Variants in SYTL3 observed in about 807,000 individuals in gnomAD.
SYTL3 encodes the protein synaptotagmin-like protein 3.
SYTL3 carries 88 observed loss-of-function variants against 82.1 expected under a neutral mutation model. The observed-to-expected ratio is 1.07, with a 90% CI of 0.90 to 1.28. The LOEUF is 1.28. Ranked by LOEUF, SYTL3 falls within the 50% of genes most tolerant of loss-of-function variation. SYTL3 has a pLI of 0.00. For synonymous variants in SYTL3, 311 were observed against 289.4 expected (o/e 1.07, Z -0.76); for missense variants, 831 against 757.6 (o/e 1.10, Z -1.14).
At chr6:158,667,597 G>A (rs1255144404) in intron 5 of SYTL3, among the ~76,000 whole-genome samples, 1 of 152,154 alleles carries the variant, frequency 6.6e-6, no homozygotes, top group Non-Finnish European at 1.5e-5. Flanking sequence ...GCACATCTGG[G>A]GACCTAGAAA....
intron 11 of SYTL3, among the ~76,000 whole-genome samples, chr6:158,741,780 T>C (rs1342020963): frequency 6.6e-6 from 1 of 152,200 alleles, no homozygotes; most frequent in East Asian, 1.9e-4. Flanking sequence ...TGACTTTCAC[T>C]CAGCTCATGA....
chr6:158,653,901 A>G (rs1032256035), intron 2 of SYTL3, among the ~76,000 whole-genome samples: 1 of 152,218 alleles, frequency 6.6e-6, no homozygotes, highest in East Asian at 1.9e-4. Flanking sequence ...GCTCAGAGAC[A>G]ATAGATGATT....
intron 15 of SYTL3, among the ~76,000 whole-genome samples, 181 bp downstream of exon 15, chr6:158,760,926 G>A (rs555445917): frequency 1.3e-5 from 2 of 152,294 alleles, no homozygotes; most frequent in Non-Finnish European, 2.9e-5. Context: ...TCTGGAGCCC[G>A]TAGTGGGGGA....
At chr6:158,750,943 A>G (rs867074057) in intron 12 of SYTL3, among the ~76,000 whole-genome samples, 1 of 152,076 alleles carries the variant, frequency 6.6e-6, no homozygotes. Flanking sequence ...TTACAGGTAC[A>G]TGCCATCATG....
chr6:158,752,323 G>A (rs930832853), intron 13 of SYTL3, among the ~76,000 whole-genome samples: 5 of 152,114 alleles, frequency 3.3e-5, no homozygotes, highest in Admixed American at 6.6e-5. Flanking sequence ...GGCTAACACC[G>A]GGGCACAGGA....
At chr6:158,744,291 TTTC>T (rs1354123491) in intron 11 of SYTL3, among the ~76,000 whole-genome samples, 8 of 134,922 alleles carry the variant, frequency 5.9e-5, no homozygotes, top group South Asian at 2.5e-4. Context: ...TTGTTTTTTT[TTTC>T]TTTTTCTTTC....
intron 6 of SYTL3, among the ~76,000 whole-genome samples, chr6:158,700,256 C>CATAA (rs575575285): frequency 6.6e-6 from 1 of 151,994 alleles, no homozygotes; most frequent in Non-Finnish European, 1.5e-5. Context: ...AACTCTGTCT[C>CATAA]ATAAATAAAT....
chr6:158,695,294 A>G (rs1171303627), intron 6 of SYTL3, among the ~76,000 whole-genome samples: 1 of 152,162 alleles, frequency 6.6e-6, no homozygotes, highest in Non-Finnish European at 1.5e-5. Context: ...TATTTTTCCT[A>G]TTTCAATGAA....
intron 5 of SYTL3, among the ~76,000 whole-genome samples, chr6:158,667,774 G>T (rs565508465): frequency 6.6e-6 from 1 of 152,152 alleles, no homozygotes; most frequent in African/African-American, 2.4e-5. Flanking sequence ...CAACCAACTC[G>T]CAGGTTGCTG....
In SYTL3 at chr6:158,651,474, G is replaced by A. The variant is rs191663941; in HGVS notation, c.-726-279G>A. ...GTGGTGGCGGGCGCCTGTAGTCCCA[G>A]CTACTCAGGAGGCTGAGGCAGGGGA... On this transcript the variant is annotated intron_variant, in intron 1 of 17. Transcript: ENST00000611299. Among the ~76,000 whole-genome samples, 447 of 152,180 alleles carry A rather than the reference G, an allele frequency of 2.9e-3. 4 individuals carry two copies. The highest frequency in any genetic ancestry group is 0.01 in the African/African-American group (427 of 41,516).
rs760605645 is a variant in SYTL3, at chr6:158,757,351, G to A, written c.1278G>A (p.Gln426=). The part of the protein sequence containing the change: ...ATWDFEDSTT[Q]SFRWHPLRAK... ...GGGACTTTGAAGACAGCACAACACA[G>A]TCCTTCCGCTGGCATCCGCTCCGGG... is the stretch of plus-strand genomic sequence containing the variant. Residue 426 remains glutamine, a synonymous_variant, in exon 14 of 18, where the codon CAG becomes CAA. Transcript: ENST00000611299. 6.2e-7 allele frequency: 1 copy of A among 1,614,104 alleles called. No homozygotes were observed. The highest frequency in any genetic ancestry group is 8.5e-7 in the Non-Finnish European group (1 of 1,180,024).
intron 5 of SYTL3, among the ~76,000 whole-genome samples, chr6:158,670,951 C>T (rs1290436150): frequency 3.3e-5 from 5 of 151,706 alleles, no homozygotes; most frequent in Non-Finnish European, 7.4e-5. Context: ...TACAGGCGCC[C>T]ACCACCAAGC....
chr6:158,708,480 A>T (rs887342957), intron 8 of SYTL3, 89 bp downstream of exon 8: 2 of 1,274,222 alleles, frequency 1.6e-6, no homozygotes, highest in African/African-American at 1.5e-5. Flanking sequence ...GAGGCCGGGC[A>T]CGGAACCTCC....
chr6:158,656,709 A>C (rs1788719778), intron 2 of SYTL3, among the ~76,000 whole-genome samples: 6 of 151,900 alleles, frequency 3.9e-5, no homozygotes. Flanking sequence ...TGGGCGACAG[A>C]GCGAGACTCT....
intron 13 of SYTL3, among the ~76,000 whole-genome samples, chr6:158,753,432 T>A (rs1788649481): frequency 6.6e-6 from 1 of 151,998 alleles, no homozygotes. Context: ...GGGGATTTTT[T>A]TAAAATGCAG....
At chr6:158,658,258 T>G (rs1458368485) in intron 2 of SYTL3, among the ~76,000 whole-genome samples, 3 of 152,204 alleles carry the variant, frequency 2.0e-5, no homozygotes, top group African/African-American at 7.2e-5. Context: ...TAAATATGAG[T>G]TAAATTCTGT....
intron 6 of SYTL3, among the ~76,000 whole-genome samples, chr6:158,701,622 G>A (rs904093727): frequency 6.6e-6 from 1 of 151,560 alleles, no homozygotes; most frequent in Non-Finnish European, 1.5e-5. Context: ...GTTTGACTGG[G>A]GCTGAGCGAA....
At chr6:158,727,638 A>G (rs1784895570) in intron 11 of SYTL3, among the ~76,000 whole-genome samples, 1 of 144,944 alleles carries the variant, frequency 6.9e-6, no homozygotes, top group Non-Finnish European at 1.5e-5. Context: ...CCTCGAGGCC[A>G]CCCGCCCACC....
chr6:158,741,492 A>G (rs1786919280), intron 11 of SYTL3, among the ~76,000 whole-genome samples: 1 of 152,176 alleles, frequency 6.6e-6, no homozygotes, highest in South Asian at 2.1e-4. Context: ...CATCTCATCA[A>G]TTTGTTGAGC....
Sources: gnomAD v4.1 joint callset for allele counts (sites outside exome capture counted in the v4.1 genomes callset) on GRCh38, gnomAD v4.1.1 for gene constraint, MANE v1.5 for transcripts, NCBI Gene and HGNC (gene_info 2026-07-23, HGNC 2026-07-21) for gene names.